CARHSP1: variants seen among roughly 807,000 people sequenced by gnomAD.
The protein encoded by CARHSP1 is calcium-regulated heat-stable protein 1.
A neutral mutation model predicts 12.5 loss-of-function variants in CARHSP1; 14 were observed. That is an observed-to-expected ratio of 1.12 (90% CI 0.74 to 1.75). The LOEUF is 1.75. Among genes scored for constraint, CARHSP1 ranks in the 40% most tolerant of loss-of-function variants. CARHSP1 has a pLI of 0.00. For missense variants in CARHSP1, 343 were observed against 201.6 expected, an observed-to-expected ratio of 1.70 and a Z score of -4.25; for synonymous variants, 161 against 82.0, an observed-to-expected ratio of 1.96 and a Z score of -5.20.
chr16:8,865,858 T>G (rs1567191225), intron 1 of CARHSP1, among the ~76,000 whole-genome samples: 2 of 152,266 alleles, frequency 1.3e-5, no homozygotes, highest in African/African-American at 4.8e-5. Context: ...CCAGTGATTC[T>G]ACTTCCTACT....
intron 3 of CARHSP1, among the ~76,000 whole-genome samples, 161 bp from the exon 4 acceptor site, chr16:8,855,487 C>T (rs2061070291): frequency 1.3e-5 from 2 of 151,334 alleles, no homozygotes; most frequent in African/African-American, 4.8e-5. Context: ...CCAGAGGGAG[C>T]TGCCACACTG....
rs1401272812 is a variant in CARHSP1, at chr16:8,859,379, A to C, written c.-7-44T>G. 14 of 1,558,510 alleles carry C rather than the reference A, an allele frequency of 9.0e-6. No individual in the cohort carries two copies. The South Asian group carries it at 1.3e-4, about 14-fold the overall frequency. ...GTCAGGGGCTCGTGCCTTGCAAGGT[A>C]GGGACCCTGTGCTTACCCCCATGTC... is the stretch of plus-strand genomic sequence containing the variant. On this transcript the variant is annotated intron_variant, in intron 1 of 3. Transcript: ENST00000311052.
chr16:8,854,756 CA>C lies in CARHSP1; in HGVS notation c.*407del, dbSNP rs1463636522. 1 of 158,686 alleles carries C rather than the reference CA, an allele frequency of 6.3e-6. No individual in the cohort carries two copies. Among genetic ancestry groups the C allele is most frequent in the Non-Finnish European group, 1.4e-5 (1 of 72,364 alleles). The allele number at this position is 158,686 out of a possible 1,614,324, so 9.8% of individuals were successfully genotyped here. A position where few individuals can be genotyped will look rare whatever the true frequency, so the allele number is the denominator to read the frequency against. On this transcript the variant is annotated 3_prime_UTR_variant, in exon 4 of 4. Transcript: ENST00000311052. ...TCACGCAAGGTCCCTGTCAGGCTGC[CA>C]GGGGGCCAGATCTGGGAATCTGGGG...
At chr16:8,866,671 G>A (rs1214224591) in intron 1 of CARHSP1, among the ~76,000 whole-genome samples, 1 of 152,014 alleles carries the variant, frequency 6.6e-6, no homozygotes, top group South Asian at 2.1e-4. Flanking sequence ...GAGAGCGGGG[G>A]GTCTGGCGAG....
At chr16:8,858,319 G>T (rs768143874) in intron 3 of CARHSP1, 31 bp downstream of exon 3, 3 of 1,608,682 alleles carry the variant, frequency 1.9e-6, no homozygotes, top group Non-Finnish European at 1.7e-6. Flanking sequence ...GCCCACCCCA[G>T]CCAGGCCACC....
intron 1 of CARHSP1, among the ~76,000 whole-genome samples, chr16:8,864,965 C>T (rs2061430522): frequency 6.6e-6 from 1 of 152,168 alleles, no homozygotes; most frequent in Non-Finnish European, 1.5e-5. Flanking sequence ...TTACCCACTC[C>T]CCAACTTCCT....
chr16:8,859,110 A>C lies in CARHSP1; in HGVS notation c.158+61T>G, dbSNP rs920069755. 4 of 1,456,392 alleles carry C rather than the reference A, an allele frequency of 2.7e-6. No individual in the cohort carries two copies. The East Asian group carries it at 7.3e-5, about 27-fold the overall frequency. The allele number at this position is 1,456,392 out of a possible 1,614,324, so 90.2% of individuals were successfully genotyped here. A position where few individuals can be genotyped will look rare whatever the true frequency, so the allele number is the denominator to read the frequency against. On this transcript the variant is annotated intron_variant, in intron 2 of 3. Transcript: ENST00000311052. ...CCAAAAATGGCCAGAGACACAGTGAATCTCTGGCCTCAGGCAAGAGATCCA... is the reference window on the plus strand; with the variant it reads ...CCAAAAATGGCCAGAGACACAGTGACTCTCTGGCCTCAGGCAAGAGATCCA...
At chr16:8,862,159 C>T (rs1051096141) in intron 1 of CARHSP1, among the ~76,000 whole-genome samples, 4 of 151,826 alleles carry the variant, frequency 2.6e-5, no homozygotes, top group African/African-American at 4.8e-5. Context: ...CCCGCCATCA[C>T]GCCCGGCTAA....
intron 2 of CARHSP1, chr16:8,858,708 A>G: frequency 1.9e-6 from 1 of 536,364 alleles, no homozygotes; most frequent in Admixed American, 3.5e-5. Flanking sequence ...TCCCTCCTGG[A>G]AAGAGGGAGT....
chr16:8,857,155 C>A (rs558553240), intron 3 of CARHSP1, among the ~76,000 whole-genome samples: 1 of 152,138 alleles, frequency 6.6e-6, no homozygotes, highest in African/African-American at 2.4e-5. Flanking sequence ...CTGCTGCTCA[C>A]ACACATGCAC....
At chr16:8,860,611 C>G (rs1162319907) in intron 1 of CARHSP1, 1 of 616,244 alleles carries the variant, frequency 1.6e-6, no homozygotes, top group Admixed American at 6.4e-5. Flanking sequence ...TCACTTGGCA[C>G]CTGCGCAGGG....
intron 1 of CARHSP1, among the ~76,000 whole-genome samples, chr16:8,860,739 T>C (rs912105880): frequency 6.6e-6 from 1 of 151,996 alleles, no homozygotes; most frequent in African/African-American, 2.4e-5. Flanking sequence ...TCAGGTCCCA[T>C]GGGGTTTTCA....
chr16:8,865,400 G>C (rs770878748), intron 1 of CARHSP1, among the ~76,000 whole-genome samples: 6 of 152,108 alleles, frequency 3.9e-5, no homozygotes, highest in Non-Finnish European at 8.8e-5. Flanking sequence ...ATGAGCCACC[G>C]TGCCCAGCCA....
In CARHSP1 at chr16:8,856,192, G is replaced by A. The variant is rs146389565; in HGVS notation, c.282-866C>T. On this transcript the variant is annotated intron_variant, in intron 3 of 3. Transcript: ENST00000311052. ...TCTCCCTGTGACCACCCCCAGGAAG[G>A]TTCCCTTACTTTCTAGGGGACATGA... 1.9e-3 allele frequency among the ~76,000 whole-genome samples: 283 copies of A among 152,238 alleles called. 1 individual carries two copies. The highest frequency in any genetic ancestry group is 6.4e-3 in the African/African-American group (264 of 41,548).
At chr16:8,860,267 T>C in intron 1 of CARHSP1, 1 of 982,800 alleles carries the variant, frequency 1.0e-6, no homozygotes, top group Non-Finnish European at 1.2e-6. Context: ...TGCATCCAGC[T>C]CCATCAGGCC....
At chr16:8,861,872 C>T (rs939136063) in intron 1 of CARHSP1, 2 of 1,147,450 alleles carry the variant, frequency 1.7e-6, no homozygotes, top group African/African-American at 3.3e-5. Flanking sequence ...CTGTCCAGGC[C>T]TCCCAGGACA....
At chr16:8,863,111 G>GATT (rs1567188997) in intron 1 of CARHSP1, among the ~76,000 whole-genome samples, 43 of 90,974 alleles carry the variant, frequency 4.7e-4, no homozygotes, top group Middle Eastern at 7.1e-3. Flanking sequence ...CACAAGGATG[G>GATT]CTTTTTTTTT....
chr16:8,866,723 G>C (rs1375609827), intron 1 of CARHSP1, among the ~76,000 whole-genome samples: 1 of 151,790 alleles, frequency 6.6e-6, no homozygotes, highest in East Asian at 2.0e-4. Flanking sequence ...ACGAAGGGAT[G>C]GGGGTTGGAG....
At chr16:8,855,832 C>A (rs74008092) in intron 3 of CARHSP1, among the ~76,000 whole-genome samples, 3,812 of 152,238 alleles carry the variant, frequency 0.025, 124 homozygotes, top group African/African-American at 0.075. Flanking sequence ...TCCCAGCCTG[C>A]CTTTTTTTGA....
Sources: gnomAD v4.1 joint callset for allele counts (sites outside exome capture counted in the v4.1 genomes callset) on GRCh38, gnomAD v4.1.1 for gene constraint, MANE v1.5 for transcripts, NCBI Gene and HGNC (gene_info 2026-07-23, HGNC 2026-07-21) for gene names.